ARIH1: variants seen among roughly 807,000 people sequenced by gnomAD.
ARIH1 encodes the protein E3 ubiquitin-protein ligase ARIH1.
A neutral mutation model predicts 85.0 loss-of-function variants in ARIH1; 8 were observed. The observed-to-expected ratio is 0.09, with a 90% CI of 0.06 to 0.17. The LOEUF (loss-of-function observed/expected upper bound fraction) is 0.17. Ranked by LOEUF, ARIH1 falls within the 10% of genes least tolerant of loss-of-function variation. The probability of loss-of-function intolerance (pLI) is 1.00; values close to 1 mark genes in which losing one functional copy is unlikely to be tolerated. For synonymous variants in ARIH1, 238 were observed against 253.6 expected, an observed-to-expected ratio of 0.94 and a Z score of 0.59; for missense variants, 311 against 718.1, an observed-to-expected ratio of 0.43 and a Z score of 6.48.
chr15:72,577,839 C>G (rs1254696106), intron 11 of ARIH1, among the ~76,000 whole-genome samples: 1 of 152,156 alleles, frequency 6.6e-6, no homozygotes, highest in Non-Finnish European at 1.5e-5. Flanking sequence ...CTTGGTGTAA[C>G]TTTACAGGAA....
Position 72,495,120 on chromosome 15 carries a change from G to C in ARIH1, c.375+20106G>C, listed in dbSNP as rs117084732. On this transcript the variant is annotated intron_variant, in intron 1 of 13. Coordinates refer to ENST00000379887, the MANE Select transcript of ARIH1 (RefSeq NM_005744.5). ...CTAAGTGGCAAAATTAACCAGTCAC[G>C]ATAGCCCTTATACTGTGTGGTATCA... Among the ~76,000 whole-genome samples the C allele has an allele frequency of 3.9e-5, 6 of 152,220 alleles. No individual in the cohort carries two copies. The East Asian group carries it at 1.2e-3, about 29-fold the overall frequency.
At chr15:72,548,773 C>A (rs2064140574) in intron 3 of ARIH1, among the ~76,000 whole-genome samples, 1 of 152,198 alleles carries the variant, frequency 6.6e-6, no homozygotes, top group Non-Finnish European at 1.5e-5. Context: ...CCACATTTTA[C>A]TACTCTCCAA....
chr15:72,573,110 A>G (rs1233254245), intron 11 of ARIH1, among the ~76,000 whole-genome samples: 1 of 152,258 alleles, frequency 6.6e-6, no homozygotes, highest in Non-Finnish European at 1.5e-5. Flanking sequence ...GCCAGGGTAC[A>G]ATCTAAAATA....
intron 2 of ARIH1, among the ~76,000 whole-genome samples, chr15:72,538,221 C>T (rs1595864647): frequency 6.6e-6 from 1 of 152,178 alleles, no homozygotes; most frequent in African/African-American, 2.4e-5. Flanking sequence ...AAAAAATTAG[C>T]CAGGAGTGGT....
Position 72,591,219 on chromosome 15 carries a change from C to CAAAAAAAAAAAA in ARIH1, c.*7940_*7951dup, listed in dbSNP as rs972468873. On this transcript the variant is annotated 3_prime_UTR_variant, in exon 14 of 14. Coordinates refer to ENST00000379887, the MANE Select transcript of ARIH1 (RefSeq NM_005744.5). ...CCTGGGCGACAGAGAGACTCTGTCT[C>CAAAAAAAAAAAA]AAAAAAAAAAAAAAAAAAAAAAAAG... 5 of 44,060 alleles carry CAAAAAAAAAAAA rather than the reference C, an allele frequency of 1.1e-4. No individual in the cohort carries two copies. Among genetic ancestry groups the CAAAAAAAAAAAA allele is most frequent in the Non-Finnish European group, 1.5e-4 (3 of 19,538 alleles). The allele number at this position is 44,060 out of a possible 1,614,324, so 2.7% of individuals were successfully genotyped here. A position where few individuals can be genotyped will look rare whatever the true frequency, so the allele number is the denominator to read the frequency against.
chr15:72,585,128 G>A lies in ARIH1; in HGVS notation c.*1836G>A, dbSNP rs555591670. The A allele has an allele frequency of 2.6e-5, 4 of 152,120 alleles. No homozygotes were observed. The South Asian group carries it at 8.3e-4, about 32-fold the overall frequency. 9.4% of individuals were successfully genotyped at this position (152,120 alleles called of 1,614,324 possible). Reference sequence around the variant, plus strand: ...AACCCTACTTTTCCTTTTAGAAAAGGTTGTTACAGGAGATTTACTGGCAAC... The same window carrying A: ...AACCCTACTTTTCCTTTTAGAAAAGATTGTTACAGGAGATTTACTGGCAAC... On this transcript the variant is annotated 3_prime_UTR_variant, in exon 14 of 14. Transcript: ENST00000379887.
At chr15:72,560,697 G>A (rs1259119795) in intron 5 of ARIH1, among the ~76,000 whole-genome samples, 2 of 152,204 alleles carry the variant, frequency 1.3e-5, no homozygotes. Flanking sequence ...AAGTGCCACA[G>A]GACAGGGTGG....
At chr15:72,496,084 T>A (rs1043917578) in intron 1 of ARIH1, among the ~76,000 whole-genome samples, 4 of 151,680 alleles carry the variant, frequency 2.6e-5, no homozygotes, top group East Asian at 1.9e-4. Context: ...TTAAAAAAAA[T>A]TTTTTTTTGG....
chr15:72,515,966 A>G (rs570086207), intron 1 of ARIH1, among the ~76,000 whole-genome samples: 80 of 152,306 alleles, frequency 5.3e-4, no homozygotes, highest in Non-Finnish European at 8.7e-4. Context: ...CATGCCTCAC[A>G]TGGCAGTGAG....
At chr15:72,494,175 T>G (rs928534786) in intron 1 of ARIH1, among the ~76,000 whole-genome samples, 1 of 152,216 alleles carries the variant, frequency 6.6e-6, no homozygotes, top group Middle Eastern at 3.2e-3. Context: ...AATTGAGTAC[T>G]TGATTTATTT....
At chr15:72,556,599 T>C (rs1430361802) in intron 5 of ARIH1, among the ~76,000 whole-genome samples, 1 of 152,238 alleles carries the variant, frequency 6.6e-6, no homozygotes, top group African/African-American at 2.4e-5. Context: ...GGTTCAGGTA[T>C]ACATGTGCAG....
chr15:72,552,460 T>C (rs1203209131), intron 3 of ARIH1, among the ~76,000 whole-genome samples: 3 of 151,970 alleles, frequency 2.0e-5, no homozygotes, highest in Non-Finnish European at 4.4e-5. Flanking sequence ...GCTAGTTTTT[T>C]TGTATTTTTG....
chr15:72,558,935 A>T (rs1202541628), intron 5 of ARIH1, among the ~76,000 whole-genome samples: 1 of 152,230 alleles, frequency 6.6e-6, no homozygotes, highest in African/African-American at 2.4e-5. Context: ...TGTGTTTGGC[A>T]ATCAAGGCAT....
chr15:72,498,815 G>A (rs1019131496), intron 1 of ARIH1, among the ~76,000 whole-genome samples: 9 of 150,540 alleles, frequency 6.0e-5, no homozygotes, highest in Admixed American at 6.6e-5. Flanking sequence ...ATTCCAGCCT[G>A]GGCAACAAGA....
At chr15:72,562,884 A>ATCAG (rs756617581) in intron 6 of ARIH1, among the ~76,000 whole-genome samples, 50 of 125,770 alleles carry the variant, frequency 4.0e-4, no homozygotes, top group Middle Eastern at 8.8e-3. Context: ...GTCTTCAGGG[A>ATCAG]TCAGTCATCT....
intron 11 of ARIH1, chr15:72,580,528 A>G: frequency 1.8e-6 from 1 of 560,998 alleles, no homozygotes; most frequent in Non-Finnish European, 3.1e-6. Flanking sequence ...CATAATGGCT[A>G]TACTAATTTA....
Position 72,586,220 on chromosome 15 carries a change from T to C in ARIH1, c.*2928T>C, listed in dbSNP as rs1334446110. On this transcript the variant is annotated 3_prime_UTR_variant, in exon 14 of 14. Transcript: ENST00000379887. Reference sequence around the variant, plus strand: ...CATATACAACAGATCCAAGACTGGCTGACTTCATTTGAAATGGTTGAATCT... The same window carrying C: ...CATATACAACAGATCCAAGACTGGCCGACTTCATTTGAAATGGTTGAATCT... 6.6e-6 allele frequency: 1 copy of C among 152,228 alleles called. No individual in the cohort carries two copies. The highest frequency in any genetic ancestry group is 1.5e-5 in the Non-Finnish European group (1 of 68,044). 9.4% of individuals were successfully genotyped at this position (152,228 alleles called of 1,614,324 possible).
intron 1 of ARIH1, among the ~76,000 whole-genome samples, chr15:72,481,426 G>A (rs1192627878): frequency 6.6e-6 from 1 of 152,134 alleles, no homozygotes; most frequent in Admixed American, 6.5e-5. Context: ...CTAATAATAG[G>A]GGACCAGTCA....
Position 72,513,911 on chromosome 15 carries a change from A to T in ARIH1, c.376-4156A>T, listed in dbSNP as rs1032136871. Among the ~76,000 whole-genome samples, 3 of 143,710 alleles carry T rather than the reference A, an allele frequency of 2.1e-5. No homozygotes were observed. In the East Asian group the frequency reaches 6.2e-4, roughly 30 times the overall value. 94.3% of individuals were successfully genotyped at this position (143,710 alleles called of 152,430 possible). A position where few individuals can be genotyped will look rare whatever the true frequency, so the allele number is the denominator to read the frequency against. On this transcript the variant is annotated intron_variant, in intron 1 of 13. Coordinates refer to ENST00000379887, the MANE Select transcript of ARIH1 (RefSeq NM_005744.5). The stretch of plus-strand genomic sequence containing the variant: ...TCCGCCAAAGACAGAGTCTTGTCTG[A>T]GGCTGGAAGGCTGGAGTGCAGTGGT...
Sources: allele counts gnomAD v4.1 joint callset (sites outside exome capture counted in the v4.1 genomes callset), GRCh38; gene constraint gnomAD v4.1.1; transcripts MANE v1.5; gene names NCBI Gene and HGNC (gene_info 2026-07-23, HGNC 2026-07-21).